Variants in RAB15 observed in about 807,000 individuals in gnomAD.
RAB15 encodes ras-related protein Rab-15.
RAB15 carries 13 observed loss-of-function variants against 31.8 expected under a neutral mutation model. The observed-to-expected ratio is 0.41, with a 90% CI of 0.27 to 0.65. The LOEUF (loss-of-function observed/expected upper bound fraction) is 0.65, where lower values mean the gene tolerates loss of function less well. Among genes scored for constraint, RAB15 ranks in the 30% least tolerant of loss-of-function variants. The pLI is 0.32. For missense variants in RAB15, 220 were observed against 277.3 expected (o/e 0.79, Z 1.47); for synonymous variants, 100 against 105.6 (o/e 0.95, Z 0.33).
rs963435280 is a variant in RAB15 at position 64,970,613 on chromosome 14, T to A, written c.124+1340A>T. On this transcript the variant is annotated intron_variant, in intron 1 of 6. Transcript: ENST00000533601. The surrounding 1 kb of genome is among the most constrained non-coding windows in gnomAD (Gnocchi z 4.1). ...TAGCAGTAAGAACAATCAGCATTTA[T>A]CGAGCTTCACCATGTGTCTGGCTGT... Among the ~76,000 whole-genome samples the A allele has an allele frequency of 2.6e-5, 4 of 152,216 alleles. No homozygotes were observed. Among genetic ancestry groups the A allele is most frequent in the African/African-American group, 7.2e-5 (3 of 41,458 alleles).
chr14:64,951,819 T>C lies in RAB15; in HGVS notation c.186-156A>G, dbSNP rs1182161307. Among the ~76,000 whole-genome samples, 1 of 152,232 alleles carries C rather than the reference T, an allele frequency of 6.6e-6. No individual in the cohort carries two copies. Among genetic ancestry groups the C allele is most frequent in the East Asian group, 1.9e-4 (1 of 5,188 alleles). Reference sequence around the variant, plus strand: ...CCACAGGGATCTGCAGTCAGAGGCCTGGTCATCTGTGCTGGTGCTGACCAG... The same window carrying C: ...CCACAGGGATCTGCAGTCAGAGGCCCGGTCATCTGTGCTGGTGCTGACCAG... On this transcript the variant is annotated intron_variant, in intron 2 of 6. Transcript: ENST00000533601. This position sits in a 1 kb window ranked among gnomAD's most constrained non-coding sequence, Gnocchi z 7.2.
At chr14:64,957,798 C>T (rs1886654298) in intron 1 of RAB15, 1 of 152,176 alleles carries the variant, frequency 6.6e-6, no homozygotes, top group African/African-American at 2.4e-5. Flanking sequence ...CTTCCCAACC[C>T]TGGGAGGCTG....
chr14:64,953,073 C>A lies in RAB15; in HGVS notation c.125-502G>T, dbSNP rs997464313. ...TGGAGAGAGAGGAGGGCTCTTCCAA[C>A]CCATGATTGTACCTGAAGCCTCAGC... On this transcript the variant is annotated intron_variant, in intron 1 of 6. Transcript: ENST00000533601. The surrounding 1 kb of genome is among the most constrained non-coding windows in gnomAD (Gnocchi z 4.6). 3.9e-5 allele frequency among the ~76,000 whole-genome samples: 6 copies of A among 152,144 alleles called. No homozygotes were observed. Among genetic ancestry groups the A allele is most frequent in the Non-Finnish European group, 8.8e-5 (6 of 68,040 alleles).
intron 1 of RAB15, among the ~76,000 whole-genome samples, chr14:64,967,931 C>T (rs1032773720): frequency 6.6e-6 from 1 of 152,168 alleles, no homozygotes; most frequent in African/African-American, 2.4e-5. Context: ...CCTGACTAGT[C>T]TCCCTGCTTC....
intron 1 of RAB15, among the ~76,000 whole-genome samples, chr14:64,966,922 T>A (rs1887169822): frequency 1.3e-5 from 2 of 152,004 alleles, no homozygotes; most frequent in African/African-American, 2.4e-5. Flanking sequence ...TGCCCCCAGC[T>A]CCTCTCAGTC....
At position 64,968,866 on chromosome 14, in the gene RAB15, C is replaced by G. The variant is rs1334611391; in HGVS notation, c.124+3087G>C. Among the ~76,000 whole-genome samples the G allele has an allele frequency of 6.6e-6, 1 of 152,224 alleles. No individual in the cohort carries two copies. Among genetic ancestry groups the G allele is most frequent in the African/African-American group, 2.4e-5 (1 of 41,448 alleles). On this transcript the variant is annotated intron_variant, in intron 1 of 6. Transcript: ENST00000533601. The surrounding 1 kb of genome is among the most constrained non-coding windows in gnomAD (Gnocchi z 4.9). Reference sequence around the variant, plus strand: ...GCCAGTGGCAGGGCCACCTGCTGGTCTGCTGGCCAGAAAGACGAAAAGGAT... The same window carrying G: ...GCCAGTGGCAGGGCCACCTGCTGGTGTGCTGGCCAGAAAGACGAAAAGGAT...
rs929471226 is a variant in RAB15 at position 64,971,104 on chromosome 14, G to A, written c.124+849C>T. On this transcript the variant is annotated intron_variant, in intron 1 of 6. Transcript: ENST00000533601. The surrounding 1 kb of genome is among the most constrained non-coding windows in gnomAD (Gnocchi z 4.1). ...AAATTCCCTCTACTCAGACTTCTCA[G>A]GGAGGGGGCCCCTCACAGCCTAGAA... 3.3e-5 allele frequency among the ~76,000 whole-genome samples: 5 copies of A among 152,208 alleles called. No homozygotes were observed. Among genetic ancestry groups the A allele is most frequent in the Admixed American group, 2.0e-4 (3 of 15,282 alleles).
At position 64,971,782 on chromosome 14, in the gene RAB15, C is replaced by G. The variant is rs1887432380; in HGVS notation, c.124+171G>C. 9.4e-6 allele frequency: 6 copies of G among 639,512 alleles called. No homozygotes were observed. Among genetic ancestry groups the G allele is most frequent in the Non-Finnish European group, 1.6e-5 (6 of 376,036 alleles). 39.6% of individuals were successfully genotyped at this position (639,512 alleles called of 1,614,324 possible). ...TCCGGACGGCAGGCAGCAGGGACAC[C>G]CTCACCTGCCAAAACCTATGCTCAC... On this transcript the variant is annotated intron_variant, in intron 1 of 6. Coordinates refer to ENST00000533601, the MANE Select transcript of RAB15 (RefSeq NM_001308154.2). This position sits in a 1 kb window ranked among gnomAD's most constrained non-coding sequence, Gnocchi z 4.1.
At position 64,952,151 on chromosome 14, in the gene RAB15, ACT is replaced by A. The variant is rs772029648; in HGVS notation, c.185+358_185+359del. On this transcript the variant is annotated intron_variant, in intron 2 of 6. Coordinates refer to ENST00000533601, the MANE Select transcript of RAB15 (RefSeq NM_001308154.2). The surrounding 1 kb of genome is among the most constrained non-coding windows in gnomAD (Gnocchi z 4.2). ...AAACTTCATCATGCTATCCTGAGGA[ACT>A]CTCTCAGGGTCTCGCCCTAAATGAT... Among the ~76,000 whole-genome samples the A allele has an allele frequency of 2.0e-5, 3 of 152,110 alleles. No homozygotes were observed. Among genetic ancestry groups the A allele is most frequent in the Non-Finnish European group, 4.4e-5 (3 of 68,006 alleles).
Position 64,954,219 on chromosome 14 carries a change from G to A in RAB15, c.125-1648C>T. 2 of 985,398 alleles carry A rather than the reference G, an allele frequency of 2.0e-6. No homozygotes were observed. The highest frequency in any genetic ancestry group is 2.4e-6 in the Non-Finnish European group (2 of 829,910). The allele number at this position is 985,398 out of a possible 1,614,324, so 61.0% of individuals were successfully genotyped here. On this transcript the variant is annotated intron_variant, in intron 1 of 6. Transcript: ENST00000533601. The surrounding 1 kb of genome is among the most constrained non-coding windows in gnomAD (Gnocchi z 4.3). The stretch of plus-strand genomic sequence containing the variant: ...CAATGCCTGGCAGCCATTCTTCCAT[G>A]TGTGCAGAGAAAGAGTGAAGAGAAG...
chr14:64,949,443 G>A (rs1197774777), intron 5 of RAB15, among the ~76,000 whole-genome samples: 2 of 152,198 alleles, frequency 1.3e-5, no homozygotes, highest in African/African-American at 4.8e-5. Context: ...AATCTTGGCT[G>A]GGCACAGTGG....
chr14:64,971,604 C>A lies in RAB15; in HGVS notation c.124+349G>T, dbSNP rs1252976374. 2.6e-5 allele frequency among the ~76,000 whole-genome samples: 4 copies of A among 152,062 alleles called. No homozygotes were observed. Among genetic ancestry groups the A allele is most frequent in the Non-Finnish European group, 5.9e-5 (4 of 67,992 alleles). On this transcript the variant is annotated intron_variant, in intron 1 of 6. Transcript: ENST00000533601. The surrounding 1 kb of genome is among the most constrained non-coding windows in gnomAD (Gnocchi z 4.1). Reference sequence around the variant, plus strand: ...CGTAGCAGAAGCTTTACTTCCCCTCCCCCTGGGGGTGTGGGGATGTTATTC... The same window carrying A: ...CGTAGCAGAAGCTTTACTTCCCCTCACCCTGGGGGTGTGGGGATGTTATTC...
At chr14:64,959,838 G>A (rs111382439) in intron 1 of RAB15, among the ~76,000 whole-genome samples, 1,412 of 110,662 alleles carry the variant, frequency 0.013, 30 homozygotes, top group African/African-American at 0.05. Context: ...GACAGAGCAG[G>A]ACCCTGTCTC....
Position 64,951,197 on chromosome 14 carries a change from G to A in RAB15, c.247-46C>T. 1 of 1,509,796 alleles carries A rather than the reference G, an allele frequency of 6.6e-7. No individual in the cohort carries two copies. The highest frequency in any genetic ancestry group is 9.2e-7 in the Non-Finnish European group (1 of 1,092,026). The allele number at this position is 1,509,796 out of a possible 1,614,324, so 93.5% of individuals were successfully genotyped here. On this transcript the variant is annotated intron_variant, in intron 3 of 6. Transcript: ENST00000533601. This position sits in a 1 kb window ranked among gnomAD's most constrained non-coding sequence, Gnocchi z 7.2. ...GAGATGTGATATGCACAGAGAGAGT[G>A]CAGTCATGGGGCCAGAAGGGGCCGT...
In RAB15 at chr14:64,948,041, C is replaced by G. The variant is rs113708067; in HGVS notation, c.*313G>C. On this transcript the variant is annotated 3_prime_UTR_variant, in exon 7 of 7. Transcript: ENST00000533601. The surrounding 1 kb of genome is among the most constrained non-coding windows in gnomAD (Gnocchi z 7.0). ...GGAGCAGCTGAAAGTGGCCTGGACTCCAGCCCTGGCTGTTGTCTGGTGGGT... is the reference window on the plus strand; with the variant it reads ...GGAGCAGCTGAAAGTGGCCTGGACTGCAGCCCTGGCTGTTGTCTGGTGGGT... The G allele has an allele frequency of 3.2e-6, 1 of 313,930 alleles. No individual in the cohort carries two copies. Among genetic ancestry groups the G allele is most frequent in the African/African-American group, 2.1e-5 (1 of 46,850 alleles). The allele number at this position is 313,930 out of a possible 1,614,324, so 19.4% of individuals were successfully genotyped here. A position where few individuals can be genotyped will look rare whatever the true frequency, so the allele number is the denominator to read the frequency against.
intron 1 of RAB15, among the ~76,000 whole-genome samples, chr14:64,961,299 G>A (rs991854537): frequency 1.3e-5 from 2 of 152,170 alleles, no homozygotes; most frequent in African/African-American, 4.8e-5. Context: ...CTCTAAAGAG[G>A]TCACCCTGTG....
chr14:64,946,528 T>A lies in RAB15; in HGVS notation c.*1826A>T, dbSNP rs1885930610. ...CATTAGCCAGTGATTTACAACTTCC[T>A]GCTCTCCTTTGCTTTCCACCATCTA... On this transcript the variant is annotated 3_prime_UTR_variant, in exon 7 of 7. Transcript: ENST00000533601. 2 of 152,428 alleles carry A rather than the reference T, an allele frequency of 1.3e-5. No homozygotes were observed. 9.4% of individuals were successfully genotyped at this position (152,428 alleles called of 1,614,324 possible). A position where few individuals can be genotyped will look rare whatever the true frequency, so the allele number is the denominator to read the frequency against.
chr14:64,964,143 G>T (rs539528801), intron 1 of RAB15, among the ~76,000 whole-genome samples: 5 of 152,126 alleles, frequency 3.3e-5, no homozygotes, highest in Non-Finnish European at 7.3e-5. Context: ...CAAGTGAGAC[G>T]AATAAATGGA....
rs1054349097 is a variant in RAB15 at position 64,962,891 on chromosome 14, A to T, written c.124+9062T>A. Among the ~76,000 whole-genome samples, 4 of 152,186 alleles carry T rather than the reference A, an allele frequency of 2.6e-5. No homozygotes were observed. Among genetic ancestry groups the T allele is most frequent in the Non-Finnish European group, 5.9e-5 (4 of 68,032 alleles). On this transcript the variant is annotated intron_variant, in intron 1 of 6. Transcript: ENST00000533601. This position sits in a 1 kb window ranked among gnomAD's most constrained non-coding sequence, Gnocchi z 4.2. ...TCCTGGAACATAGTCAGCATTCAAT[A>T]GCACTTACACTTGTCTGGAGGCGTG...
Sources: gnomAD v4.1 joint callset for allele counts (sites outside exome capture counted in the v4.1 genomes callset) on GRCh38, gnomAD v4.1.1 for gene constraint, Gnocchi (gnomAD v3.1) non-coding constraint, MANE v1.5 for transcripts, NCBI Gene and HGNC (gene_info 2026-07-23, HGNC 2026-07-21) for gene names.